Variants in GSDMC observed in about 807,000 individuals in gnomAD.
GSDMC encodes gasdermin C, also known as gasdermin-C.
GSDMC carries 59 observed loss-of-function variants against 58.0 expected under a neutral mutation model. That is an observed-to-expected ratio of 1.02 (90% confidence interval 0.82 to 1.26). The LOEUF (loss-of-function observed/expected upper bound fraction) is 1.26. GSDMC is among the 50% of genes most tolerant of loss of function. The pLI, the probability that GSDMC is intolerant of heterozygous loss-of-function variation, is 0.00. For missense variants in GSDMC, 659 were observed against 598.5 expected, an observed-to-expected ratio of 1.10 and a Z score of -1.06; for synonymous variants, 241 against 220.2, an observed-to-expected ratio of 1.09 and a Z score of -0.83.
In GSDMC at chr8:129,751,895, A is replaced by G. The variant is rs199632844; in HGVS notation, c.887-4T>C. On this transcript the variant is annotated splice_polypyrimidine_tract_variant and splice_region_variant and intron_variant, in intron 8 of 13. Coordinates refer to ENST00000276708, the MANE Select transcript of GSDMC (RefSeq NM_031415.3). ...AGGATGTGAACTTGTTCGTATTCTA[A>G]AAAAAGAAATGAAATTCCTCACCAA... 253 of 1,613,052 alleles carry G rather than the reference A, an allele frequency of 1.6e-4. 4 individuals carry two copies. In the South Asian group the frequency reaches 2.7e-3, roughly 17 times the overall value.
the GSDMC span, chr8:129,730,127 C>T: frequency 1.0e-6 from 1 of 977,362 alleles, no homozygotes; most frequent in Non-Finnish European, 1.5e-6. Flanking sequence ...TGAATGCCAA[C>T]AAGAGAGATC....
chr8:129,751,516 C>G, intron 10 of GSDMC, 26 bp downstream of exon 10: 1 of 1,601,506 alleles, frequency 6.2e-7, no homozygotes, highest in Non-Finnish European at 8.5e-7. Flanking sequence ...CCAGAAGCCC[C>G]AGGTTCCCCC....
chr8:129,742,367 A>AT, the GSDMC span, among the ~76,000 whole-genome samples: 1 of 152,178 alleles, frequency 6.6e-6, no homozygotes, highest in Non-Finnish European at 1.5e-5. Flanking sequence ...AAAATATCAC[A>AT]TTTTGCCCCA....
Position 129,750,039 on chromosome 8 carries a change from T to C in GSDMC, c.1164A>G (p.Ala388=). The C allele has an allele frequency of 6.2e-7, 1 of 1,611,482 alleles. No homozygotes were observed. The highest frequency in any genetic ancestry group is 1.1e-5 in the South Asian group (1 of 90,384). ...GAATGGGGTCCTTTGGGTTAAACCA[T>C]GCATGGTTTGAATCCTGTTGAAGTT... ...LKKLQQDSNH[A]WFNPKDPILY... is the part of the protein sequence containing the mutation. Residue 388 remains alanine, a synonymous_variant, in exon 12 of 14, where the codon GCA becomes GCG. Coordinates refer to ENST00000276708, the MANE Select transcript of GSDMC (RefSeq NM_031415.3).
chr8:129,741,968 AGG>A, the GSDMC span, among the ~76,000 whole-genome samples: 1 of 148,476 alleles, frequency 6.7e-6, no homozygotes, highest in African/African-American at 2.5e-5. Flanking sequence ...TTAAAAAAGA[AGG>A]ATATGCTTTC....
chr8:129,765,461 T>G (rs576782556), intron 4 of GSDMC, among the ~76,000 whole-genome samples, 167 bp downstream of exon 4: 1 of 152,182 alleles, frequency 6.6e-6, no homozygotes, highest in Non-Finnish European at 1.5e-5. Context: ...GAATATACTC[T>G]CAGATCAGAA....
At chr8:129,765,192 G>C (rs1283175689) in intron 4 of GSDMC, among the ~76,000 whole-genome samples, 1 of 152,086 alleles carries the variant, frequency 6.6e-6, no homozygotes, top group East Asian at 1.9e-4. Context: ...AAGATACTCT[G>C]ATCTCACTCC....
At chr8:129,749,904 T>G (rs958347008) in intron 12 of GSDMC, 86 bp downstream of exon 12, 23 of 1,107,626 alleles carry the variant, frequency 2.1e-5, no homozygotes, top group Non-Finnish European at 2.9e-5. Context: ...CAAAGGGCTT[T>G]GGAGACACAG....
At chr8:129,708,578 C>G in the GSDMC span, among the ~76,000 whole-genome samples, 1 of 152,270 alleles carries the variant, frequency 6.6e-6, no homozygotes, top group African/African-American at 2.4e-5. Flanking sequence ...AGCAATTTCA[C>G]TGCTAGCCAT....
At chr8:129,742,051 T>TA in the GSDMC span, among the ~76,000 whole-genome samples, 1 of 151,150 alleles carries the variant, frequency 6.6e-6, no homozygotes, top group South Asian at 2.1e-4. Flanking sequence ...AAAGGAAAAA[T>TA]ACTGCATAAT....
intron 9 of GSDMC, 137 bp from the exon 10 acceptor site, chr8:129,751,705 C>G (rs1360436398): frequency 9.9e-6 from 11 of 1,106,736 alleles, no homozygotes; most frequent in Non-Finnish European, 1.5e-5. Context: ...CATTCATCCT[C>G]CATGTTCTCA....
chr8:129,716,116 T>A, the GSDMC span, among the ~76,000 whole-genome samples: 1 of 152,278 alleles, frequency 6.6e-6, no homozygotes, highest in East Asian at 1.9e-4. Flanking sequence ...TATGGGCAAT[T>A]TTTTTAAAAA....
chr8:129,732,580 TGGAAACTC>T, the GSDMC span, among the ~76,000 whole-genome samples: 6 of 152,116 alleles, frequency 3.9e-5, no homozygotes, highest in African/African-American at 1.4e-4. Flanking sequence ...GTAATCAAAA[TGGAAACTC>T]GGAAATGACA....
chr8:129,763,225 A>AAAGACATTTT (rs1272226405), intron 4 of GSDMC, among the ~76,000 whole-genome samples: 1 of 152,200 alleles, frequency 6.6e-6, no homozygotes, highest in Non-Finnish European at 1.5e-5. Context: ...TTGTACATCT[A>AAAGACATTTT]AAGACATTTT....
chr8:129,753,387 A>C (rs190321090), intron 6 of GSDMC, among the ~76,000 whole-genome samples: 39 of 152,138 alleles, frequency 2.6e-4, no homozygotes, highest in Non-Finnish European at 5.0e-4. Context: ...ATCTCTAGAC[A>C]CCCCTGGGTG....
chr8:129,783,655 G>C (rs1382114514), intron 1 of GSDMC, among the ~76,000 whole-genome samples: 2 of 152,142 alleles, frequency 1.3e-5, no homozygotes, highest in Non-Finnish European at 2.9e-5. Context: ...TTGTTAAAAT[G>C]TCCATACTAT....
At chr8:129,741,526 T>C in the GSDMC span, among the ~76,000 whole-genome samples, 1 of 152,172 alleles carries the variant, frequency 6.6e-6, no homozygotes, top group Non-Finnish European at 1.5e-5. Context: ...TCATCAATGC[T>C]CAATCATCAG....
Position 129,752,743 on chromosome 8 carries a change from G to C in GSDMC, c.799C>G (p.Pro267Ala). Residue 267 changes from proline (P) to alanine (A), a missense_variant, in exon 7 of 14, where the codon CCA becomes GCA. Pro to Ala is a conservative substitution (Grantham distance 27, BLOSUM62 -1). Coordinates refer to ENST00000276708, the MANE Select transcript of GSDMC (RefSeq NM_031415.3). ...GLLPSFHTIS[P>A]TLFNASSNDM... ...TTGGATGAGGCATTGAAGAGGGTTG[G>C]AGAGATGGTATGAAATGATGGTAGC... 1 of 1,614,242 alleles carries C rather than the reference G, an allele frequency of 6.2e-7. No individual in the cohort carries two copies. The highest frequency in any genetic ancestry group is 8.5e-7 in the Non-Finnish European group (1 of 1,180,026).
At chr8:129,708,881 G>T in the GSDMC span, among the ~76,000 whole-genome samples, 2 of 152,212 alleles carry the variant, frequency 1.3e-5, no homozygotes, top group South Asian at 4.1e-4. Flanking sequence ...CTGGACAATG[G>T]CCCATGCCAC....
Sources: gnomAD v4.1 joint callset for allele counts (sites outside exome capture counted in the v4.1 genomes callset) on GRCh38, gnomAD v4.1.1 for gene constraint, MANE v1.5 for transcripts, NCBI Gene and HGNC (gene_info 2026-07-23, HGNC 2026-07-21) for gene names.